KCNQ5: variants seen among roughly 807,000 people sequenced by gnomAD.
KCNQ5 encodes potassium voltage-gated channel subfamily Q member 5, also known as potassium voltage-gated channel subfamily KQT member 5.
Under a neutral mutation model 98.2 loss-of-function variants are expected in KCNQ5, and 30 were observed. The ratio of observed to expected loss-of-function variants is 0.31; its 90% CI spans 0.23 to 0.41. The LOEUF (loss-of-function observed/expected upper bound fraction) is 0.41, where lower values mean the gene tolerates loss of function less well. KCNQ5 is among the 10% of genes least tolerant of loss of function. The pLI, the probability that KCNQ5 is intolerant of heterozygous loss-of-function variation, is 1.00. For synonymous variants in KCNQ5, 458 were observed against 449.4 expected (o/e 1.02, Z -0.24); for missense variants, 835 against 1,182.5 (o/e 0.71, Z 4.31).
chr6:72,903,020 G>C (rs563214077), intron 1 of KCNQ5, among the ~76,000 whole-genome samples: 153 of 152,206 alleles, frequency 1.0e-3, no homozygotes, highest in Non-Finnish European at 1.4e-3. Context: ...GCTTGTTATT[G>C]GTCTGTTTAG....
chr6:72,736,735 G>A (rs1042220317), intron 1 of KCNQ5, among the ~76,000 whole-genome samples: 47 of 151,462 alleles, frequency 3.1e-4, no homozygotes, highest in Admixed American at 2.2e-3. Flanking sequence ...TCCTGACCTC[G>A]TGATCCGCCC....
chr6:72,943,697 C>A (rs1289845014), intron 1 of KCNQ5, among the ~76,000 whole-genome samples: 2 of 152,166 alleles, frequency 1.3e-5, no homozygotes, highest in Non-Finnish European at 2.9e-5. Flanking sequence ...TAGATTGCAA[C>A]CTTAGTTTCA....
At chr6:73,099,490 T>A (rs542524232) in intron 5 of KCNQ5, among the ~76,000 whole-genome samples, 1 of 152,040 alleles carries the variant, frequency 6.6e-6, no homozygotes, top group East Asian at 1.9e-4. Flanking sequence ...AAAAAAGATA[T>A]CCCATGCAAA....
intron 1 of KCNQ5, among the ~76,000 whole-genome samples, chr6:72,899,715 T>C (rs1243182824): frequency 6.6e-6 from 1 of 152,142 alleles, no homozygotes; most frequent in Non-Finnish European, 1.5e-5. Flanking sequence ...ATGAGTTCTT[T>C]AGTGGTGATT....
Position 72,772,176 on chromosome 6 carries a change from G to T in KCNQ5, c.398+149589G>T, listed in dbSNP as rs76835356. On this transcript the variant is annotated intron_variant, in intron 1 of 13. Coordinates refer to ENST00000370398, the MANE Select transcript of KCNQ5 (RefSeq NM_019842.4). ...TATCTTGACTTACATTTTCTCTAGT[G>T]CAGTTACAATTTTAAGGCTATTACA... is the stretch of plus-strand genomic sequence containing the variant. Among the ~76,000 whole-genome samples the T allele has an allele frequency of 9.2e-3, 1,404 of 152,140 alleles. 18 individuals carry two copies. Among genetic ancestry groups the T allele is most frequent in the African/African-American group, 0.03 (1,259 of 41,520 alleles).
At chr6:73,009,750 G>A (rs762416312) in intron 2 of KCNQ5, among the ~76,000 whole-genome samples, 3 of 152,122 alleles carry the variant, frequency 2.0e-5, no homozygotes, top group African/African-American at 7.2e-5. Flanking sequence ...GTGAACAATT[G>A]TATGCCAACA....
intron 1 of KCNQ5, among the ~76,000 whole-genome samples, chr6:72,778,786 G>A (rs1166644162): frequency 6.6e-6 from 1 of 152,036 alleles, no homozygotes; most frequent in Admixed American, 6.6e-5. Context: ...AAAATCAACA[G>A]CACAGTCAGA....
At chr6:72,788,628 T>C (rs1773877464) in intron 1 of KCNQ5, among the ~76,000 whole-genome samples, 1 of 152,256 alleles carries the variant, frequency 6.6e-6, no homozygotes, top group Non-Finnish European at 1.5e-5. Flanking sequence ...TTTGAACAAA[T>C]AGTTTATAAC....
At position 72,730,490 on chromosome 6, in the gene KCNQ5, T is replaced by A. The variant is rs76731900; in HGVS notation, c.398+107903T>A. Among the ~76,000 whole-genome samples the A allele has an allele frequency of 3.0e-3, 456 of 152,308 alleles. 4 individuals are homozygous for A. Among genetic ancestry groups the A allele is most frequent in the African/African-American group, 0.01 (418 of 41,588 alleles). On this transcript the variant is annotated intron_variant, in intron 1 of 13. Coordinates refer to ENST00000370398, the MANE Select transcript of KCNQ5 (RefSeq NM_019842.4). ...CATTACTCTCTGATCCTTTCAGAAT[T>A]TGTTCTGGTGTAATGTAAGATAGGG...
intron 1 of KCNQ5, among the ~76,000 whole-genome samples, chr6:72,656,443 G>A (rs1420064744): frequency 2.0e-5 from 3 of 152,142 alleles, no homozygotes; most frequent in Non-Finnish European, 4.4e-5. Flanking sequence ...TAATTTTCAT[G>A]AAGCTCAGTT....
chr6:72,849,507 G>C (rs1777159415), intron 1 of KCNQ5, among the ~76,000 whole-genome samples: 1 of 152,074 alleles, frequency 6.6e-6, no homozygotes, highest in Admixed American at 6.6e-5. Context: ...AAAAGGCACT[G>C]TTTTTAAATA....
chr6:72,680,827 A>C (rs1369214129), intron 1 of KCNQ5, among the ~76,000 whole-genome samples: 1 of 152,224 alleles, frequency 6.6e-6, no homozygotes, highest in Non-Finnish European at 1.5e-5. Flanking sequence ...AATTAGCATT[A>C]TGTTTCCTCA....
chr6:72,804,209 A>G (rs965779827), intron 1 of KCNQ5, among the ~76,000 whole-genome samples: 9 of 152,072 alleles, frequency 5.9e-5, no homozygotes, highest in African/African-American at 2.2e-4. Context: ...TAAATATCCA[A>G]TAAATTACTG....
intron 1 of KCNQ5, among the ~76,000 whole-genome samples, chr6:72,681,737 T>C (rs762577863): frequency 6.6e-6 from 1 of 152,238 alleles, no homozygotes; most frequent in Non-Finnish European, 1.5e-5. Flanking sequence ...CATCATGCTG[T>C]GATCCCAGGA....
intron 1 of KCNQ5, among the ~76,000 whole-genome samples, chr6:72,689,111 T>C (rs899419048): frequency 6.6e-6 from 1 of 152,240 alleles, no homozygotes; most frequent in African/African-American, 2.4e-5. Flanking sequence ...CAGTTAATTT[T>C]GAGGTTTAAA....
chr6:73,067,498 G>A (rs1017097694), intron 3 of KCNQ5, among the ~76,000 whole-genome samples: 31 of 152,028 alleles, frequency 2.0e-4, no homozygotes. Context: ...TTGCAGGTGA[G>A]GACTCCAAGA....
intron 1 of KCNQ5, among the ~76,000 whole-genome samples, chr6:72,632,517 A>G (rs1476448753): frequency 6.6e-6 from 1 of 152,128 alleles, no homozygotes; most frequent in Admixed American, 6.5e-5. Flanking sequence ...TTACATGGGT[A>G]TATTGCATCC....
intron 11 of KCNQ5, among the ~76,000 whole-genome samples, chr6:73,175,727 G>A (rs1328428454): frequency 6.6e-6 from 1 of 152,136 alleles, no homozygotes; most frequent in African/African-American, 2.4e-5. Flanking sequence ...AGAGATAAAC[G>A]TTAACAAAAA....
intron 1 of KCNQ5, among the ~76,000 whole-genome samples, chr6:72,892,148 T>G (rs1347935453): frequency 2.0e-5 from 3 of 152,178 alleles, no homozygotes; most frequent in African/African-American, 7.2e-5. Flanking sequence ...CCATTAACAT[T>G]TACTGGGTGC....
Sources: allele counts gnomAD v4.1 joint callset (sites outside exome capture counted in the v4.1 genomes callset), GRCh38; gene constraint gnomAD v4.1.1; transcripts MANE v1.5; gene names NCBI Gene and HGNC (gene_info 2026-07-23, HGNC 2026-07-21).